The following CD86 variants were observed in gnomAD, a reference collection of about 807,000 sequenced individuals.
The protein encoded by CD86 is CD86 molecule, also known as T-lymphocyte activation antigen CD86.
Under a neutral mutation model 32.1 loss-of-function variants are expected in CD86, and 11 were observed. The observed-to-expected ratio is 0.34, with a 90% confidence interval of 0.22 to 0.57. The LOEUF is 0.57. Among genes scored for constraint, CD86 ranks in the 20% least tolerant of loss-of-function variants. CD86 has a pLI of 0.86. For synonymous variants in CD86, 137 were observed against 135.3 expected, an observed-to-expected ratio of 1.01 and a Z score of -0.09; for missense variants, 359 against 398.4, an observed-to-expected ratio of 0.90 and a Z score of 0.84.
chr3:122,112,399 C>G (rs541198047), intron 5 of CD86, among the ~76,000 whole-genome samples: 1 of 152,168 alleles, frequency 6.6e-6, no homozygotes, highest in African/African-American at 2.4e-5. Flanking sequence ...ACACTGCAAC[C>G]TCTGCCTCCC....
At chr3:122,094,339 G>A (rs575459133) in intron 2 of CD86, among the ~76,000 whole-genome samples, 1 of 152,316 alleles carries the variant, frequency 6.6e-6, no homozygotes, top group African/African-American at 2.4e-5. Context: ...CTTAGCTCCT[G>A]AGAAAAGAGT....
intron 5 of CD86, among the ~76,000 whole-genome samples, chr3:122,115,981 T>A (rs1173778576): frequency 6.6e-6 from 1 of 151,934 alleles, no homozygotes; most frequent in Non-Finnish European, 1.5e-5. Context: ...GATATCCACA[T>A]GGAAAAAGTA....
chr3:122,072,106 T>C (rs1211152927), intron 1 of CD86, among the ~76,000 whole-genome samples: 18 of 150,756 alleles, frequency 1.2e-4, no homozygotes, highest in Middle Eastern at 3.4e-3. Context: ...ATATGTGCCA[T>C]ATTTTCTTAA....
chr3:122,118,838 A>T (rs1349168286), intron 6 of CD86, among the ~76,000 whole-genome samples: 2 of 152,216 alleles, frequency 1.3e-5, no homozygotes, highest in Non-Finnish European at 2.9e-5. Context: ...ATGCATGATG[A>T]ATACATAAAA....
At chr3:122,098,461 G>A (rs190093684) in intron 2 of CD86, among the ~76,000 whole-genome samples, 6 of 152,276 alleles carry the variant, frequency 3.9e-5, no homozygotes, top group Non-Finnish European at 7.4e-5. Flanking sequence ...GGGGAAAGAG[G>A]CCTGATAGGT....
intron 1 of CD86, among the ~76,000 whole-genome samples, chr3:122,087,127 C>A (rs560672982): frequency 3.3e-5 from 5 of 152,240 alleles, no homozygotes; most frequent in African/African-American, 1.2e-4. Context: ...GCCAGACATA[C>A]AAAGTAAGTG....
chr3:122,061,449 AC>A (rs2072333946), intron 1 of CD86, among the ~76,000 whole-genome samples: 1 of 152,204 alleles, frequency 6.6e-6, no homozygotes, highest in Non-Finnish European at 1.5e-5. Context: ...GTTCATTCTC[AC>A]CAAATACTAA....
intron 1 of CD86, among the ~76,000 whole-genome samples, chr3:122,082,985 C>A (rs962682858): frequency 6.6e-6 from 1 of 152,170 alleles, no homozygotes; most frequent in African/African-American, 2.4e-5. Context: ...ATGAATAAAT[C>A]AAACAATACT....
intron 1 of CD86, among the ~76,000 whole-genome samples, chr3:122,061,662 G>C (rs1204931865): frequency 6.6e-6 from 1 of 152,148 alleles, no homozygotes; most frequent in African/African-American, 2.4e-5. Context: ...CTATAAAAAT[G>C]GTTAAAATAA....
intron 4 of CD86, among the ~76,000 whole-genome samples, chr3:122,108,650 G>C (rs367985528): frequency 9.2e-5 from 14 of 152,302 alleles, no homozygotes; most frequent in East Asian, 7.7e-4. Context: ...TCCTGAAGGC[G>C]TGAAGGTTCC....
chr3:122,091,755 T>C (rs2107527135), intron 2 of CD86, 105 bp downstream of exon 2: 1 of 888,760 alleles, frequency 1.1e-6, no homozygotes, highest in Middle Eastern at 2.2e-4. Context: ...ACTCACTTTC[T>C]ACTGAGCATT....
At chr3:122,100,125 C>G (rs571305304) in intron 2 of CD86, among the ~76,000 whole-genome samples, 1 of 152,096 alleles carries the variant, frequency 6.6e-6, no homozygotes, top group Admixed American at 6.5e-5. Flanking sequence ...GTGGAGTTGA[C>G]AAGATCAAAG....
At chr3:122,086,704 C>A (rs2072727190) in intron 1 of CD86, 5 of 436,670 alleles carry the variant, frequency 1.1e-5, no homozygotes, top group Non-Finnish European at 2.3e-5. Flanking sequence ...AGGGCAGAAA[C>A]CCTCTTGATG....
chr3:122,089,793 G>A (rs1275822817), intron 1 of CD86, among the ~76,000 whole-genome samples: 7 of 152,102 alleles, frequency 4.6e-5, no homozygotes, highest in African/African-American at 1.7e-4. Context: ...CATCACTAGT[G>A]GTCTGGAAAT....
intron 2 of CD86, among the ~76,000 whole-genome samples, chr3:122,095,370 G>A (rs139849541): frequency 5.5e-4 from 83 of 152,076 alleles, no homozygotes; most frequent in African/African-American, 1.8e-3. Context: ...TGGTAGAGAC[G>A]GGGTTTCACC....
intron 1 of CD86, among the ~76,000 whole-genome samples, chr3:122,074,075 C>T (rs970369775): frequency 6.6e-6 from 1 of 152,194 alleles, no homozygotes; most frequent in Admixed American, 6.5e-5. Context: ...TATCTGAGCC[C>T]ATAGTGGTCT....
At chr3:122,065,692 A>C (rs2072403489) in intron 1 of CD86, among the ~76,000 whole-genome samples, 1 of 152,234 alleles carries the variant, frequency 6.6e-6, no homozygotes, top group Non-Finnish European at 1.5e-5. Context: ...ACAAGGAAGA[A>C]GGAATAACCT....
intron 1 of CD86, among the ~76,000 whole-genome samples, chr3:122,085,538 T>G (rs972632514): frequency 6.6e-6 from 1 of 152,178 alleles, no homozygotes; most frequent in African/African-American, 2.4e-5. Context: ...CACTACTGTG[T>G]ACCGTCTAAG....
At chr3:122,077,972 G>C in intron 1 of CD86, 2 of 985,634 alleles carry the variant, frequency 2.0e-6, no homozygotes, top group Non-Finnish European at 2.4e-6. Flanking sequence ...TTGCTTCTGT[G>C]TTCCTTGGGA....
Sources: gnomAD v4.1 joint callset for allele counts (sites outside exome capture counted in the v4.1 genomes callset) on GRCh38, gnomAD v4.1.1 for gene constraint, MANE v1.5 for transcripts, NCBI Gene and HGNC (gene_info 2026-07-23, HGNC 2026-07-21) for gene names.